PRR16: variants seen among roughly 807,000 people sequenced by gnomAD.
PRR16 encodes the protein proline rich 16.
In PRR16, 6 loss-of-function variants were observed where a neutral mutation model predicts 18.2. The ratio of observed to expected loss-of-function variants is 0.33; its 90% CI spans 0.18 to 0.65. PRR16 has a LOEUF of 0.65. Ranked by LOEUF, PRR16 falls within the 30% of genes least tolerant of loss-of-function variation. PRR16 has a pLI of 0.74. For synonymous variants in PRR16, 151 were observed against 147.8 expected (o/e 1.02, Z -0.16); for missense variants, 412 against 376.6 (o/e 1.09, Z -0.78).
At chr5:120,744,992 A>ATGAATTTGG in the PRR16 span, among the ~76,000 whole-genome samples, 2 of 152,212 alleles carry the variant, frequency 1.3e-5, no homozygotes, top group African/African-American at 4.8e-5. Flanking sequence ...AGGAACACCT[A>ATGAATTTGG]TGAATTTGGT....
chr5:120,562,005 A>T (rs550023057), intron 1 of PRR16, among the ~76,000 whole-genome samples: 59 of 152,218 alleles, frequency 3.9e-4, no homozygotes, highest in African/African-American at 1.4e-3. Context: ...TTTTCTCTAG[A>T]GTGCAGATTA....
chr5:120,657,966 A>G (rs1255332137), intron 1 of PRR16: 1 of 151,966 alleles, frequency 6.6e-6, no homozygotes, highest in Non-Finnish European at 1.5e-5. Flanking sequence ...TGCTATCCCA[A>G]TACCAACCAT....
At chr5:120,704,207 C>T in the PRR16 span, among the ~76,000 whole-genome samples, 1 of 152,150 alleles carries the variant, frequency 6.6e-6, no homozygotes, top group Non-Finnish European at 1.5e-5. Context: ...ACAAAAGACA[C>T]TTCTAGATTC....
rs78912082 is a variant in PRR16 at position 120,595,454 on chromosome 5, G to A, written c.160-90500G>A. On this transcript the variant is annotated intron_variant, in intron 1 of 1. Coordinates refer to ENST00000407149, the MANE Select transcript of PRR16 (RefSeq NM_001300783.2). Reference sequence around the variant, plus strand: ...AAAGTCAAAAAAAAAATAAAAAGATGTTGGTGTGGTTGTGGAGAAAAGGAA... The same window carrying A: ...AAAGTCAAAAAAAAAATAAAAAGATATTGGTGTGGTTGTGGAGAAAAGGAA... Among the ~76,000 whole-genome samples, 975 of 151,802 alleles carry A rather than the reference G, an allele frequency of 6.4e-3. 15 individuals carry two copies. The highest frequency in any genetic ancestry group is 0.021 in the African/African-American group (883 of 41,466).
chr5:120,712,282 A>G, the PRR16 span, among the ~76,000 whole-genome samples: 7 of 152,168 alleles, frequency 4.6e-5, no homozygotes, highest in African/African-American at 1.4e-4. Flanking sequence ...ACAATATGCA[A>G]TAATACAATA....
At chr5:120,726,056 G>T in the PRR16 span, among the ~76,000 whole-genome samples, 1 of 151,962 alleles carries the variant, frequency 6.6e-6, no homozygotes, top group Non-Finnish European at 1.5e-5. Flanking sequence ...TGGCACTAAG[G>T]TTGTTCATTT....
chr5:120,674,003 T>C (rs141450420), intron 1 of PRR16, among the ~76,000 whole-genome samples: 1 of 151,844 alleles, frequency 6.6e-6, no homozygotes, highest in Non-Finnish European at 1.5e-5. Context: ...CTACAGTCTA[T>C]GTACAAATAC....
intron 1 of PRR16, among the ~76,000 whole-genome samples, chr5:120,576,159 G>A (rs1347723928): frequency 6.6e-6 from 1 of 151,964 alleles, no homozygotes; most frequent in African/African-American, 2.4e-5. Flanking sequence ...CAACAAAAGC[G>A]AAGACAAACT....
the PRR16 span, chr5:120,710,740 C>A: frequency 6.6e-6 from 1 of 152,186 alleles, no homozygotes; most frequent in Non-Finnish European, 1.5e-5. Context: ...GAATATCAGA[C>A]TTCAAGTCAT....
chr5:120,628,523 A>G (rs1754941529), intron 1 of PRR16, among the ~76,000 whole-genome samples: 1 of 152,080 alleles, frequency 6.6e-6, no homozygotes, highest in African/African-American at 2.4e-5. Context: ...TTTCTCCCAT[A>G]CGGTGATAAA....
chr5:120,708,649 C>T, the PRR16 span, among the ~76,000 whole-genome samples: 3 of 152,252 alleles, frequency 2.0e-5, no homozygotes, highest in South Asian at 6.2e-4. Context: ...TTATCAAATT[C>T]TGTAAACATT....
chr5:120,552,445 G>A (rs908221564), intron 1 of PRR16, among the ~76,000 whole-genome samples: 4 of 151,796 alleles, frequency 2.6e-5, no homozygotes, highest in African/African-American at 9.7e-5. Context: ...GGCAGTTACT[G>A]AAACACAATA....
intron 1 of PRR16, among the ~76,000 whole-genome samples, chr5:120,498,865 G>A (rs961638783): frequency 6.6e-6 from 1 of 151,444 alleles, no homozygotes; most frequent in Non-Finnish European, 1.5e-5. Flanking sequence ...TTGTCTCCAT[G>A]GTTTCTAATA....
chr5:120,685,974 C>T lies in PRR16; in HGVS notation c.180C>T (p.Thr60=), dbSNP rs1475257503. 2.5e-6 allele frequency: 4 copies of T among 1,613,452 alleles called. No homozygotes were observed. The highest frequency in any genetic ancestry group is 2.2e-5 in the East Asian group (1 of 44,876). Residue 60 remains threonine (T), a synonymous_variant, in exon 2 of 2, where the codon ACC becomes ACT. Coordinates refer to ENST00000407149, the MANE Select transcript of PRR16 (RefSeq NM_001300783.2). ...ACTAGGTGGTTGACCAGATTGACAC[C>T]CTGACCTCTGACCTACAGCTGGAGG... ...ELKEVVDQID[T]LTSDLQLEDE...
chr5:120,471,899 A>C (rs1194436765), intron 1 of PRR16, among the ~76,000 whole-genome samples: 1 of 152,150 alleles, frequency 6.6e-6, no homozygotes, highest in Non-Finnish European at 1.5e-5. Flanking sequence ...TCAACTCAGG[A>C]CAAATGTTGT....
At chr5:120,671,604 T>A (rs557829130) in intron 1 of PRR16, among the ~76,000 whole-genome samples, 5 of 152,180 alleles carry the variant, frequency 3.3e-5, no homozygotes, top group Non-Finnish European at 7.4e-5. Flanking sequence ...TTACTAAAAT[T>A]TGCCTTCCTT....
chr5:120,661,050 A>G (rs1368240718), intron 1 of PRR16, among the ~76,000 whole-genome samples: 1 of 152,134 alleles, frequency 6.6e-6, no homozygotes, highest in African/African-American at 2.4e-5. Flanking sequence ...AAGTAGTCCA[A>G]GATAGCATAT....
intron 1 of PRR16, among the ~76,000 whole-genome samples, chr5:120,471,309 A>G (rs1749261676): frequency 6.6e-6 from 1 of 152,156 alleles, no homozygotes; most frequent in South Asian, 2.1e-4. Context: ...AAATAAAGGA[A>G]CAACTAATAT....
intron 1 of PRR16, among the ~76,000 whole-genome samples, chr5:120,583,558 T>C (rs569891242): frequency 1.3e-5 from 2 of 152,210 alleles, no homozygotes; most frequent in Non-Finnish European, 2.9e-5. Flanking sequence ...ATTTTCTTTA[T>C]GGACCATGAC....
Sources: allele counts gnomAD v4.1 joint callset (sites outside exome capture counted in the v4.1 genomes callset), GRCh38; gene constraint gnomAD v4.1.1; transcripts MANE v1.5; gene names NCBI Gene and HGNC (gene_info 2026-07-23, HGNC 2026-07-21).